Variants in MROH1 observed in about 807,000 individuals in gnomAD.
MROH1 encodes maestro heat-like repeat-containing protein family member 1.
Under a neutral mutation model 116.5 loss-of-function variants are expected in MROH1, and 117 were observed. The ratio of observed to expected loss-of-function variants is 1.00; its 90% CI spans 0.86 to 1.17. The LOEUF (loss-of-function observed/expected upper bound fraction) is 1.17. MROH1 is among the 50% of genes most tolerant of loss of function. The pLI, the probability that MROH1 is intolerant of heterozygous loss-of-function variation, is 0.00. For missense variants in MROH1, 1,873 were observed against 1,338.5 expected (o/e 1.40, Z -6.23); for synonymous variants, 921 against 583.9 (o/e 1.58, Z -8.32).
rs1239194209 is a variant in MROH1, at chr8:144,260,357, C to T, written c.4363C>T (p.Arg1455Trp). The change falls in exon 39 of 44, where the codon CGG becomes TGG. Residue 1455 changes from arginine (R) to tryptophan (W), a missense_variant. Physicochemically the swap from Arg to Trp is moderately radical, Grantham distance 101 (BLOSUM62 -3). Transcript: ENST00000326134. ...GCTGCTGCACGTGGCCATCCGCATC[C>T]GGCCTTTCTTCGACAGTGTAGGCTG... ...SGLLHVAIRI[R>W]PFFDSEKMEF... The T allele has an allele frequency of 6.9e-6, 5 of 725,226 alleles. No individual in the cohort carries two copies. Among genetic ancestry groups the T allele is most frequent in the African/African-American group, 5.2e-5 (3 of 57,912 alleles). 44.9% of individuals were successfully genotyped at this position (725,226 alleles called of 1,614,324 possible). A position where few individuals can be genotyped will look rare whatever the true frequency, so the allele number is the denominator to read the frequency against.
intron 7 of MROH1, among the ~76,000 whole-genome samples, chr8:144,188,241 A>G (rs1827689533): frequency 6.6e-6 from 1 of 152,188 alleles, no homozygotes; most frequent in South Asian, 2.1e-4. Flanking sequence ...ATCACCAAGA[A>G]AAAGAATTAC....
At chr8:144,256,625 C>T (rs993373368) in intron 35 of MROH1, among the ~76,000 whole-genome samples, 27 of 152,282 alleles carry the variant, frequency 1.8e-4, no homozygotes, top group East Asian at 5.8e-4. Context: ...GCCTCCGCCC[C>T]GAGCTGTAGG....
In MROH1 at chr8:144,261,037, A is replaced by C; in HGVS notation, c.4667A>C (p.His1556Pro). The change falls in exon 41 of 44, where the codon CAC becomes CCC. Residue 1556 changes from histidine to proline, a missense_variant. Coordinates refer to ENST00000326134, the MANE Select transcript of MROH1 (RefSeq NM_032450.3). ...GAGTTCCTCAACACCACCTGCAAGC[A>C]CCTGGTGAGGGGTGGGGCCAGGCGG... Reference protein sequence around the residue: ...FGEFLNTTCKHLMHHFPDLLG... With the variant: ...FGEFLNTTCKPLMHHFPDLLG... 1 of 482,626 alleles carries C rather than the reference A, an allele frequency of 2.1e-6. No individual in the cohort carries two copies. 29.9% of individuals were successfully genotyped at this position (482,626 alleles called of 1,614,324 possible).
intron 4 of MROH1, among the ~76,000 whole-genome samples, chr8:144,169,654 G>GT (rs1821944513): frequency 7.0e-6 from 1 of 142,838 alleles, no homozygotes; most frequent in Non-Finnish European, 1.5e-5. Context: ...ATTTATATAT[G>GT]TTTTTTGAGA....
rs1840470640 is a variant in MROH1 at position 144,238,755 on chromosome 8, G to C, written c.1339-1G>C. 2 of 771,708 alleles carry C rather than the reference G, an allele frequency of 2.6e-6. No individual in the cohort carries two copies. Among genetic ancestry groups the C allele is most frequent in the Admixed American group, 3.4e-5 (2 of 59,026 alleles). 47.8% of individuals were successfully genotyped at this position (771,708 alleles called of 1,614,324 possible). A position where few individuals can be genotyped will look rare whatever the true frequency, so the allele number is the denominator to read the frequency against. ...CGCCTTTGCCTTTTGCCTTCCTCCA[G>C]CCTGAGAAGCCAGGCCCCGGCAGCA... On this transcript the variant is annotated splice_acceptor_variant, in intron 14 of 43. Transcript: ENST00000326134. LOFTEE classifies it high-confidence loss of function.
chr8:144,243,774 C>T, intron 25 of MROH1, 89 bp from the exon 26 acceptor site: 1 of 741,766 alleles, frequency 1.3e-6, no homozygotes, highest in Non-Finnish European at 2.5e-6. Context: ...TCGGGCCCCG[C>T]CTGTCACTTA....
chr8:144,260,643 C>G, intron 39 of MROH1, 34 bp from the exon 40 acceptor site: 1 of 775,392 alleles, frequency 1.3e-6, no homozygotes, highest in Non-Finnish European at 2.4e-6. Context: ...GGGGCACAGC[C>G]TGTGAGGAGA....
intron 4 of MROH1, 79 bp from the exon 5 acceptor site, chr8:144,179,376 T>G (rs1824942690): frequency 3.8e-6 from 6 of 1,576,634 alleles, no homozygotes; most frequent in Non-Finnish European, 4.3e-6. Flanking sequence ...GGTTTCATCT[T>G]GTAGAGACAG....
At position 144,182,122 on chromosome 8, in the gene MROH1, C is replaced by T. The variant is rs1825861311; in HGVS notation, c.562+1599C>T. Among the ~76,000 whole-genome samples the T allele has an allele frequency of 1.3e-5, 2 of 151,286 alleles. No homozygotes were observed. Among genetic ancestry groups the T allele is most frequent in the Non-Finnish European group, 2.9e-5 (2 of 68,040 alleles). ...TTGGTGGTCCTGCTGGCTGGAGCAG[C>T]CTGGGGCCAGAGGAAGCCGTATCAA... On this transcript the variant is annotated intron_variant, in intron 7 of 43. Coordinates refer to ENST00000326134, the MANE Select transcript of MROH1 (RefSeq NM_032450.3). The surrounding 1 kb of genome is among the most constrained non-coding windows in gnomAD (Gnocchi z 4.1).
chr8:144,250,858 C>T, intron 33 of MROH1: 3 of 263,566 alleles, frequency 1.1e-5, no homozygotes, highest in Middle Eastern at 1.4e-3. Context: ...ACTATGTCTT[C>T]CCAAGCTCAC....
intron 14 of MROH1, among the ~76,000 whole-genome samples, chr8:144,234,498 GTTTTTTTTTTT>G (rs1165164431): frequency 4.4e-4 from 8 of 18,100 alleles, no homozygotes; most frequent in African/African-American, 1.0e-3. Context: ...TTTCTTTTTC[GTTTTTTTTTTT>G]TTTTTTTTTT....
Position 144,163,594 on chromosome 8 carries a change from G to A in MROH1, c.-56-177G>A, listed in dbSNP as rs1425393940. Among the ~76,000 whole-genome samples the A allele has an allele frequency of 1.3e-5, 2 of 152,184 alleles. No homozygotes were observed. The highest frequency in any genetic ancestry group is 2.9e-5 in the Non-Finnish European group (2 of 68,032). On this transcript the variant is annotated intron_variant, in intron 2 of 43. Transcript: ENST00000326134. The surrounding 1 kb of genome is among the most constrained non-coding windows in gnomAD (Gnocchi z 4.4). ...CAGGGATGGAGGAGAGCTGGAAACTGTTGAGGATCATGATGCCTTTTGCCC... is the reference window on the plus strand; with the variant it reads ...CAGGGATGGAGGAGAGCTGGAAACTATTGAGGATCATGATGCCTTTTGCCC...
At chr8:144,215,599 T>C (rs1835053477) in intron 12 of MROH1, among the ~76,000 whole-genome samples, 1 of 152,158 alleles carries the variant, frequency 6.6e-6, no homozygotes, top group Non-Finnish European at 1.5e-5. Flanking sequence ...AGGCCGGGCA[T>C]GGTGGCTCAC....
At chr8:144,191,532 C>T (rs1029022535) in intron 8 of MROH1, among the ~76,000 whole-genome samples, 183 bp from the exon 9 acceptor site, 33 of 152,332 alleles carry the variant, frequency 2.2e-4, no homozygotes, top group African/African-American at 7.0e-4. Flanking sequence ...GCCTGGCCAG[C>T]ATCTGGCTTG....
chr8:144,192,667 T>C (rs1828940157), intron 10 of MROH1: 3 of 640,280 alleles, frequency 4.7e-6, no homozygotes, highest in Non-Finnish European at 8.6e-6. Context: ...GCAGGCCCAG[T>C]ACAGGTGGTC....
chr8:144,167,177 A>G (rs1224882866), intron 3 of MROH1, among the ~76,000 whole-genome samples: 2 of 148,218 alleles, frequency 1.3e-5, no homozygotes, highest in Admixed American at 1.3e-4. Context: ...GTTGGGGTGG[A>G]GTGGCCGGTT....
At chr8:144,213,248 A>C in intron 12 of MROH1, 1 of 618,790 alleles carries the variant, frequency 1.6e-6, no homozygotes, top group South Asian at 2.0e-5. Flanking sequence ...CTTGTTGTCC[A>C]AAGCTCTTTC....
chr8:144,212,583 T>G, intron 12 of MROH1, among the ~76,000 whole-genome samples: 1 of 912 alleles, frequency 1.1e-3, no homozygotes, highest in East Asian at 0.042. Context: ...TCTGTTACTT[T>G]TTTTTTTTTT....
At chr8:144,257,386 T>C (rs900759397) in intron 35 of MROH1, among the ~76,000 whole-genome samples, 130 of 152,214 alleles carry the variant, frequency 8.5e-4, no homozygotes, top group African/African-American at 3.1e-3. Context: ...GGGACAGTGG[T>C]ATACTGGGAG....
Sources: gnomAD v4.1 joint callset for allele counts (sites outside exome capture counted in the v4.1 genomes callset) on GRCh38, gnomAD v4.1.1 for gene constraint, Gnocchi (gnomAD v3.1) non-coding constraint, MANE v1.5 for transcripts, NCBI Gene and HGNC (gene_info 2026-07-23, HGNC 2026-07-21) for gene names.